The following SLC7A14 variants were observed in gnomAD, a reference collection of about 807,000 sequenced individuals.
SLC7A14 encodes gamma-aminobutyric acid transporter SLC7A14.
SLC7A14 carries 37 observed loss-of-function variants against 60.2 expected under a neutral mutation model. The ratio of observed to expected loss-of-function variants is 0.61; its 90% CI spans 0.47 to 0.81. The LOEUF is 0.81. SLC7A14 is among the 30% of genes least tolerant of loss of function. The pLI is 0.00. For synonymous variants in SLC7A14, 399 were observed against 395.8 expected, an observed-to-expected ratio of 1.01 and a Z score of -0.10; for missense variants, 886 against 982.7, an observed-to-expected ratio of 0.90 and a Z score of 1.32.
At chr3:170,583,614 G>T (rs1354478846) in intron 1 of SLC7A14, among the ~76,000 whole-genome samples, 4 of 152,270 alleles carry the variant, frequency 2.6e-5, no homozygotes, top group African/African-American at 9.6e-5. Context: ...CTTGTAAAAC[G>T]ATGGTGCTAA....
chr3:170,562,271 G>A (rs1277861969), intron 1 of SLC7A14, among the ~76,000 whole-genome samples: 1 of 152,108 alleles, frequency 6.6e-6, no homozygotes, highest in East Asian at 1.9e-4. Context: ...AGTGGATAAA[G>A]AAACTGTGGT....
chr3:170,584,275 A>G (rs1033838028), intron 1 of SLC7A14, among the ~76,000 whole-genome samples: 3 of 152,232 alleles, frequency 2.0e-5, no homozygotes, highest in African/African-American at 7.2e-5. Context: ...AATAACATGC[A>G]GTGGGGAAAG....
chr3:170,471,809 C>G (rs1739918752), intron 7 of SLC7A14, among the ~76,000 whole-genome samples: 1 of 152,094 alleles, frequency 6.6e-6, no homozygotes, highest in South Asian at 2.1e-4. Context: ...ACAAATAATA[C>G]TATTTATTCT....
In SLC7A14 at chr3:170,463,083, A is replaced by G. The variant is rs1739640453; in HGVS notation, c.*3972T>C. ...TCACACTTTCGTCAGTTCCCCAATT[A>G]TTTCCCACTCTCTCACCCGAGGAAA... On this transcript the variant is annotated 3_prime_UTR_variant, in exon 8 of 8. Transcript: ENST00000231706. The G allele has an allele frequency of 6.6e-6, 1 of 151,848 alleles. No homozygotes were observed. Among genetic ancestry groups the G allele is most frequent in the African/African-American group, 2.4e-5 (1 of 41,238 alleles). The allele number at this position is 151,848 out of a possible 1,614,324, so 9.4% of individuals were successfully genotyped here. A position where few individuals can be genotyped will look rare whatever the true frequency, so the allele number is the denominator to read the frequency against.
chr3:170,504,816 T>C (rs938153573), intron 2 of SLC7A14, among the ~76,000 whole-genome samples: 15 of 152,182 alleles, frequency 9.9e-5, no homozygotes, highest in Non-Finnish European at 7.3e-5. Flanking sequence ...TAGGAAATAC[T>C]GTATGAACCA....
At chr3:170,560,843 C>G (rs758573392) in intron 1 of SLC7A14, among the ~76,000 whole-genome samples, 1 of 152,196 alleles carries the variant, frequency 6.6e-6, no homozygotes, top group African/African-American at 2.4e-5. Flanking sequence ...TGCATTGCTT[C>G]GGTCACATAT....
At position 170,462,936 on chromosome 3, in the gene SLC7A14, A is replaced by G. The variant is rs552462208; in HGVS notation, c.*4119T>C. 2.0e-5 allele frequency: 3 copies of G among 152,334 alleles called. No individual in the cohort carries two copies. Among genetic ancestry groups the G allele is most frequent in the African/African-American group, 7.2e-5 (3 of 41,572 alleles). The allele number at this position is 152,334 out of a possible 1,614,324, so 9.4% of individuals were successfully genotyped here. On this transcript the variant is annotated 3_prime_UTR_variant, in exon 8 of 8. Transcript: ENST00000231706. ...TGATGAATGCAGACACAGGACTCAA[A>G]GTACAGCTATTTTTCTCTTTAATTT...
intron 1 of SLC7A14, among the ~76,000 whole-genome samples, chr3:170,547,019 G>A (rs865882550): frequency 1.3e-5 from 2 of 152,190 alleles, no homozygotes; most frequent in African/African-American, 4.8e-5. Flanking sequence ...GTGGGAACCT[G>A]GCATCAGAGA....
chr3:170,516,884 C>A (rs1713175669), intron 2 of SLC7A14, among the ~76,000 whole-genome samples: 1 of 152,174 alleles, frequency 6.6e-6, no homozygotes, highest in African/African-American at 2.4e-5. Flanking sequence ...CCACTGACCA[C>A]CCTGTGGCTC....
At chr3:170,533,267 C>G (rs889131834) in intron 1 of SLC7A14, among the ~76,000 whole-genome samples, 2 of 152,162 alleles carry the variant, frequency 1.3e-5, no homozygotes, top group African/African-American at 4.8e-5. Flanking sequence ...ACTACGTGGC[C>G]AGGTACAGGC....
chr3:170,526,901 C>A lies in SLC7A14; in HGVS notation c.36G>T (p.Arg12=). Residue 12 remains arginine (R), a synonymous_variant, in exon 2 of 8, where the codon CGG becomes CGT. Transcript: ENST00000231706. ...CATACCAGGCAGCTCCCCACTGCAC[C>A]CGCCGGGGGTCCAGCGAGGTGAAGA... ...SGFFTSLDPR[R]VQWGAAWYAM... 6.2e-7 allele frequency: 1 copy of A among 1,613,676 alleles called. No homozygotes were observed. The highest frequency in any genetic ancestry group is 1.7e-5 in the Admixed American group (1 of 59,958).
intron 4 of SLC7A14, among the ~76,000 whole-genome samples, chr3:170,493,436 G>A (rs1416788354): frequency 6.6e-6 from 1 of 152,162 alleles, no homozygotes; most frequent in East Asian, 1.9e-4. Context: ...GTCATGTCAT[G>A]CTATTCTTAT....
intron 1 of SLC7A14, among the ~76,000 whole-genome samples, chr3:170,538,270 A>T (rs1713909708): frequency 1.3e-5 from 2 of 152,170 alleles, no homozygotes; most frequent in Admixed American, 1.3e-4. Context: ...TTTGGAGCTT[A>T]TATCTGAAAT....
At chr3:170,536,036 G>C (rs781230370) in intron 1 of SLC7A14, among the ~76,000 whole-genome samples, 1 of 152,204 alleles carries the variant, frequency 6.6e-6, no homozygotes, top group Non-Finnish European at 1.5e-5. Flanking sequence ...AGAGATACTG[G>C]GTTTGAAGTC....
chr3:170,516,982 G>T (rs909070513), intron 2 of SLC7A14, among the ~76,000 whole-genome samples: 5 of 151,914 alleles, frequency 3.3e-5, no homozygotes, highest in African/African-American at 7.3e-5. Context: ...GGGTTTTTTG[G>T]GATTATGCAA....
At chr3:170,543,656 A>G (rs1274932909) in intron 1 of SLC7A14, among the ~76,000 whole-genome samples, 4 of 151,948 alleles carry the variant, frequency 2.6e-5, no homozygotes, top group Admixed American at 6.6e-5. Flanking sequence ...AAGAAAAAAA[A>G]CAAAAACAAA....
At position 170,481,185 on chromosome 3, in the gene SLC7A14, C is replaced by G; in HGVS notation, c.1116-19G>C. ...CAGGAACCTGGAGGGGCCGGGCAAGCAGAGGGTTAATGGTGAGCTACAGTG... is the reference window on the plus strand; with the variant it reads ...CAGGAACCTGGAGGGGCCGGGCAAGGAGAGGGTTAATGGTGAGCTACAGTG... On this transcript the variant is annotated intron_variant, in intron 6 of 7. Coordinates refer to ENST00000231706, the MANE Select transcript of SLC7A14 (RefSeq NM_020949.3). 3 of 1,604,470 alleles carry G rather than the reference C, an allele frequency of 1.9e-6. No homozygotes were observed. The highest frequency in any genetic ancestry group is 8.5e-7 in the Non-Finnish European group (1 of 1,175,732).
chr3:170,485,765 A>G (rs1216372234), intron 5 of SLC7A14, among the ~76,000 whole-genome samples: 1 of 152,212 alleles, frequency 6.6e-6, no homozygotes, highest in Non-Finnish European at 1.5e-5. Flanking sequence ...GAGAGTTTGT[A>G]GAGGACAATG....
intron 2 of SLC7A14, among the ~76,000 whole-genome samples, chr3:170,514,612 A>G (rs745919950): frequency 6.6e-6 from 1 of 152,248 alleles, no homozygotes; most frequent in Non-Finnish European, 1.5e-5. Flanking sequence ...GTTCCTGTAG[A>G]GAAGAGAATT....
Sources: gnomAD v4.1 joint callset for allele counts (sites outside exome capture counted in the v4.1 genomes callset) on GRCh38, gnomAD v4.1.1 for gene constraint, MANE v1.5 for transcripts, NCBI Gene and HGNC (gene_info 2026-07-23, HGNC 2026-07-21) for gene names.